The following MAGI2 variants were observed in gnomAD, a reference collection of about 807,000 sequenced individuals.
The protein encoded by MAGI2 is membrane associated guanylate kinase, WW and PDZ domain containing 2.
Under a neutral mutation model 133.3 loss-of-function variants are expected in MAGI2, and 35 were observed. That is an observed-to-expected ratio of 0.26 (90% confidence interval 0.20 to 0.35). The LOEUF is 0.35. Ranked by LOEUF, MAGI2 falls within the 10% of genes least tolerant of loss-of-function variation. The probability of loss-of-function intolerance (pLI) is 1.00; values close to 1 mark genes in which losing one functional copy is unlikely to be tolerated. For synonymous variants in MAGI2, 729 were observed against 710.6 expected (o/e 1.03, Z -0.41); for missense variants, 1,636 against 1,863.4 (o/e 0.88, Z 2.25).
chr7:78,471,157 A>G (rs1441742033), intron 6 of MAGI2, among the ~76,000 whole-genome samples: 1 of 152,202 alleles, frequency 6.6e-6, no homozygotes, highest in Non-Finnish European at 1.5e-5. Context: ...CATTAAGAAG[A>G]CCATACATAG....
At chr7:78,742,547 T>G (rs969564053) in intron 2 of MAGI2, among the ~76,000 whole-genome samples, 2 of 152,198 alleles carry the variant, frequency 1.3e-5, no homozygotes, top group Non-Finnish European at 2.9e-5. Flanking sequence ...TCCCTCTGGC[T>G]TGGATAATTT....
At chr7:79,008,217 A>G (rs973164570) in intron 1 of MAGI2, among the ~76,000 whole-genome samples, 3 of 152,182 alleles carry the variant, frequency 2.0e-5, no homozygotes, top group Non-Finnish European at 4.4e-5. Context: ...GGAAATCTGC[A>G]ATAATCATAA....
At chr7:78,435,121 T>C (rs1800156170) in intron 6 of MAGI2, among the ~76,000 whole-genome samples, 1 of 152,158 alleles carries the variant, frequency 6.6e-6, no homozygotes, top group African/African-American at 2.4e-5. Flanking sequence ...TGCTTGAGAA[T>C]CCTGATCTAT....
chr7:79,290,780 C>T (rs773068357), intron 1 of MAGI2, among the ~76,000 whole-genome samples: 1 of 152,026 alleles, frequency 6.6e-6, no homozygotes, highest in Non-Finnish European at 1.5e-5. Context: ...TGAATAACTA[C>T]CAAATCCAGA....
rs774751840 is a variant in MAGI2 at position 79,089,565 on chromosome 7, C to CA, written c.302-82360dup. The stretch of plus-strand genomic sequence containing the variant: ...ACTTTGAACCGACCCAAATGTCCAT[C>CA]AAAAAAAAAGACTGGATAAAGAAAA... On this transcript the variant is annotated intron_variant, in intron 1 of 21. Coordinates refer to ENST00000354212, the MANE Select transcript of MAGI2 (RefSeq NM_012301.4). 4.3e-3 allele frequency among the ~76,000 whole-genome samples: 646 copies of CA among 150,262 alleles called. 5 individuals carry two copies. Among genetic ancestry groups the CA allele is most frequent in the Non-Finnish European group, 7.4e-3 (500 of 67,448 alleles).
chr7:78,331,376 A>G (rs1789179295), intron 9 of MAGI2, among the ~76,000 whole-genome samples: 4 of 152,220 alleles, frequency 2.6e-5, no homozygotes, highest in Admixed American at 6.5e-5. Flanking sequence ...GAAATTATGT[A>G]TAAAAAAATA....
intron 21 of MAGI2, among the ~76,000 whole-genome samples, chr7:78,041,024 G>C (rs972889629): frequency 7.9e-5 from 12 of 152,168 alleles, no homozygotes; most frequent in Non-Finnish European, 1.2e-4. Context: ...GATGGGGAAA[G>C]ATTGAAACTA....
chr7:78,797,213 C>T (rs139942541), intron 2 of MAGI2, among the ~76,000 whole-genome samples: 647 of 152,010 alleles, frequency 4.3e-3, no homozygotes, highest in African/African-American at 6.2e-3. Flanking sequence ...CATTCAATAT[C>T]GTAGACATGT....
At chr7:78,553,307 A>G (rs1273705078) in intron 3 of MAGI2, among the ~76,000 whole-genome samples, 1 of 152,118 alleles carries the variant, frequency 6.6e-6, no homozygotes, top group Non-Finnish European at 1.5e-5. Flanking sequence ...AGTTTTCCGT[A>G]TTACTCTCCA....
chr7:78,303,381 A>G (rs1278426739), intron 9 of MAGI2, among the ~76,000 whole-genome samples: 6 of 147,992 alleles, frequency 4.1e-5, no homozygotes, highest in Non-Finnish European at 3.0e-5. Flanking sequence ...CTGTCTCCAA[A>G]AAAAAAAAAA....
chr7:78,175,131 C>T (rs1826469209), intron 14 of MAGI2, among the ~76,000 whole-genome samples: 2 of 152,148 alleles, frequency 1.3e-5, no homozygotes, highest in East Asian at 1.9e-4. Context: ...ATTATTGGAC[C>T]TGAGGAAAGC....
intron 18 of MAGI2, among the ~76,000 whole-genome samples, chr7:78,132,658 C>T (rs1352381837): frequency 1.3e-5 from 2 of 152,234 alleles, no homozygotes; most frequent in Non-Finnish European, 2.9e-5. Flanking sequence ...TGCAACTGCT[C>T]ACCATTTCTG....
chr7:79,176,045 C>G (rs996918288), intron 1 of MAGI2, among the ~76,000 whole-genome samples: 1 of 151,948 alleles, frequency 6.6e-6, no homozygotes, highest in African/African-American at 2.4e-5. Context: ...ATAATAGTTT[C>G]CTGTTAAACA....
At chr7:78,955,965 T>G in intron 2 of MAGI2, among the ~76,000 whole-genome samples, 1 of 151,968 alleles carries the variant, frequency 6.6e-6, no homozygotes, top group Non-Finnish European at 1.5e-5. Context: ...TCAGTAATTA[T>G]AAACTCCTTG....
intron 2 of MAGI2, among the ~76,000 whole-genome samples, chr7:78,673,282 TCA>T (rs1215821149): frequency 1.3e-5 from 2 of 151,792 alleles, no homozygotes; most frequent in Non-Finnish European, 2.9e-5. Flanking sequence ...GTGTGTATAT[TCA>T]CACACACAGA....
intron 1 of MAGI2, among the ~76,000 whole-genome samples, chr7:79,369,952 G>T (rs974539476): frequency 6.6e-6 from 1 of 151,658 alleles, no homozygotes; most frequent in African/African-American, 2.4e-5. Flanking sequence ...CATACCTAAA[G>T]GTATTTTTAT....
At chr7:79,347,342 C>T (rs1378824042) in intron 1 of MAGI2, among the ~76,000 whole-genome samples, 1 of 151,758 alleles carries the variant, frequency 6.6e-6, no homozygotes, top group Non-Finnish European at 1.5e-5. Flanking sequence ...GACTTCATTT[C>T]CCCTCAATCC....
chr7:79,287,586 G>A (rs1327103019), intron 1 of MAGI2, among the ~76,000 whole-genome samples: 1 of 152,092 alleles, frequency 6.6e-6, no homozygotes, highest in Non-Finnish European at 1.5e-5. Context: ...GTAGCTGTGT[G>A]TACTTGGCCA....
intron 3 of MAGI2, among the ~76,000 whole-genome samples, chr7:78,524,607 T>C (rs1251340460): frequency 6.6e-6 from 1 of 152,206 alleles, no homozygotes; most frequent in Non-Finnish European, 1.5e-5. Flanking sequence ...GGATAATATA[T>C]ACACGTTGCT....
Sources: gnomAD v4.1 joint callset for allele counts (sites outside exome capture counted in the v4.1 genomes callset) on GRCh38, gnomAD v4.1.1 for gene constraint, MANE v1.5 for transcripts, NCBI Gene and HGNC (gene_info 2026-07-23, HGNC 2026-07-21) for gene names.